RHBDF1: variants seen among roughly 807,000 people sequenced by gnomAD.
RHBDF1 encodes rhomboid 5 homolog 1, also known as inactive rhomboid protein 1.
Under a neutral mutation model 98.6 loss-of-function variants are expected in RHBDF1, and 80 were observed. That is an observed-to-expected ratio of 0.81 (90% CI 0.68 to 0.98). The LOEUF (loss-of-function observed/expected upper bound fraction) is 0.98. RHBDF1 is among the 50% of genes least tolerant of loss of function. The pLI is 0.00. For synonymous variants in RHBDF1, 512 were observed against 486.8 expected, an observed-to-expected ratio of 1.05 and a Z score of -0.68; for missense variants, 1,116 against 1,198.3, an observed-to-expected ratio of 0.93 and a Z score of 1.01.
At chr16:62,174 C>T in intron 7 of RHBDF1, 122 bp from the exon 8 acceptor site, 3 of 1,325,680 alleles carry the variant, frequency 2.3e-6, no homozygotes, top group Non-Finnish European at 3.0e-6. Context: ...CGCCCGGCAT[C>T]TGCCTTCTCC....
chr16:58,357 C>G lies in RHBDF1; in HGVS notation c.2551G>C (p.Asp851His), dbSNP rs369611150. The change falls in exon 18 of 18, where the codon GAC becomes CAC. Residue 851 changes from aspartate (D) to histidine (H), a missense_variant. Coordinates refer to ENST00000262316, the MANE Select transcript of RHBDF1 (RefSeq NM_022450.5). The stretch of plus-strand genomic sequence containing the variant: ...CAGCCAGCTCAGTGGAGCTGAGCGT[C>G]CAGTTCGTACTTCTCACAGAACTTG... ...TDKFCEKYEL[D>H]AQLH 6.2e-7 allele frequency: 1 copy of G among 1,611,986 alleles called. No homozygotes were observed. The highest frequency in any genetic ancestry group is 1.3e-5 in the African/African-American group (1 of 74,906).
intron 1 of RHBDF1, among the ~76,000 whole-genome samples, chr16:70,011 A>AGGG (rs11306273): frequency 0.017 from 1,370 of 78,962 alleles, 23 homozygotes; most frequent in African/African-American, 0.038. Flanking sequence ...ACTTGGCAGG[A>AGGG]GGGGGGGGGG....
At chr16:65,930 G>A (rs911399419) in intron 1 of RHBDF1, among the ~76,000 whole-genome samples, 1 of 152,240 alleles carries the variant, frequency 6.6e-6, no homozygotes, top group Non-Finnish European at 1.5e-5. Context: ...GCTCTACCAT[G>A]ACATGCCAGG....
chr16:58,950 C>A, intron 17 of RHBDF1, 24 bp downstream of exon 17: 2 of 1,610,940 alleles, frequency 1.2e-6, no homozygotes, highest in South Asian at 1.1e-5. Flanking sequence ...ACGGGAGGAT[C>A]CCCACCCTGA....
Position 63,853 on chromosome 16 carries a change from G to A in RHBDF1, c.249-53C>T, listed in dbSNP as rs576864269. The A allele has an allele frequency of 4.6e-6, 7 of 1,523,278 alleles. No homozygotes were observed. The South Asian group carries it at 4.6e-5, about 10-fold the overall frequency. The allele number at this position is 1,523,278 out of a possible 1,614,324, so 94.4% of individuals were successfully genotyped here. A position where few individuals can be genotyped will look rare whatever the true frequency, so the allele number is the denominator to read the frequency against. On this transcript the variant is annotated intron_variant, in intron 3 of 17. Coordinates refer to ENST00000262316, the MANE Select transcript of RHBDF1 (RefSeq NM_022450.5). ...CGGCCAGATCGCCCCTCCCAGGCAG[G>A]GGACTTCAAAGGCCCTCCTCCGGGG...
intron 1 of RHBDF1, among the ~76,000 whole-genome samples, chr16:69,237 G>A (rs1041259988): frequency 1.3e-5 from 2 of 152,196 alleles, no homozygotes; most frequent in Non-Finnish European, 1.5e-5. Flanking sequence ...GCCACAGCCA[G>A]TGGAGAGCTG....
At chr16:63,384 G>A (rs1215420202) in intron 4 of RHBDF1, among the ~76,000 whole-genome samples, 3 of 152,142 alleles carry the variant, frequency 2.0e-5, no homozygotes, top group Admixed American at 6.5e-5. Flanking sequence ...TGGCCCCCTG[G>A]TGCAATCCCA....
At chr16:72,864 T>C (rs1476144824), upstream of RHBDF1, among the ~76,000 whole-genome samples, 6 of 152,152 alleles carry the variant, frequency 3.9e-5, no homozygotes, top group Admixed American at 2.0e-4. Flanking sequence ...GTGTCAGCGC[T>C]GGGCGGCTCC....
At chr16:63,316 C>A in intron 4 of RHBDF1, 134 bp from the exon 5 acceptor site, 1 of 754,766 alleles carries the variant, frequency 1.3e-6, no homozygotes. Context: ...TCTATGGCCA[C>A]CACTCCCACC....
upstream of RHBDF1, chr16:72,714 C>T (rs545343331): frequency 2.1e-4 from 202 of 984,122 alleles, 1 homozygote; most frequent in South Asian, 8.2e-3. Flanking sequence ...GAATGCGCGC[C>T]GCCCGCCTGC....
At chr16:60,659 C>T in intron 11 of RHBDF1, 120 bp from the exon 12 acceptor site, 1 of 676,382 alleles carries the variant, frequency 1.5e-6, no homozygotes, top group Non-Finnish European at 2.6e-6. Context: ...AAGTCACCCC[C>T]ACTCTTGAGA....
intron 1 of RHBDF1, among the ~76,000 whole-genome samples, chr16:68,054 G>A (rs913426591): frequency 6.6e-6 from 1 of 152,116 alleles, no homozygotes; most frequent in African/African-American, 2.4e-5. Flanking sequence ...AACCTCCCCA[G>A]GACTGTCTCA....
At chr16:62,380 T>G (rs1026514222) in intron 7 of RHBDF1, among the ~76,000 whole-genome samples, 158 bp downstream of exon 7, 4 of 152,184 alleles carry the variant, frequency 2.6e-5, no homozygotes, top group African/African-American at 9.7e-5. Flanking sequence ...TGCCCAGCTC[T>G]GCGTCTCCCA....
chr16:74,286 A>C (rs1484412226), upstream of RHBDF1, among the ~76,000 whole-genome samples: 1 of 152,210 alleles, frequency 6.6e-6, no homozygotes. Context: ...TGCCCAGACT[A>C]GGCTGGCAGG....
rs1336249331 is a variant in RHBDF1 at position 59,296 on chromosome 16, C to T, written c.1947G>A (p.Val649=). Residue 649 remains valine (V), a synonymous_variant, in exon 16 of 18, where the codon GTG becomes GTA. Transcript: ENST00000262316. ...CGLLPFLNPE[V]PDQFYRLWLS... ...GCCACAGGCGGTAGAACTGGTCAGG[C>T]ACCTCGGGGTTGAGAAAAGGCAGGA... The T allele has an allele frequency of 3.7e-6, 6 of 1,611,380 alleles. No homozygotes were observed. Among genetic ancestry groups the T allele is most frequent in the Admixed American group, 1.7e-5 (1 of 59,854 alleles).
chr16:60,034 C>T, intron 13 of RHBDF1, 182 bp downstream of exon 13: 1 of 1,476,404 alleles, frequency 6.8e-7, no homozygotes, highest in Non-Finnish European at 9.0e-7. Context: ...TTCTCTTGAT[C>T]TACTTGCTCA....
chr16:63,837 C>A (rs1271756464), intron 3 of RHBDF1, 37 bp from the exon 4 acceptor site: 7 of 1,582,526 alleles, frequency 4.4e-6, no homozygotes, highest in Non-Finnish European at 5.2e-6. Context: ...GCGGCCAGAT[C>A]GCCCCTCCCA....
upstream of RHBDF1, among the ~76,000 whole-genome samples, chr16:74,426 C>T (rs527703900): frequency 8.6e-4 from 131 of 152,320 alleles, no homozygotes; most frequent in African/African-American, 3.0e-3. Context: ...AGACCCGCTC[C>T]AAGACCCAGA....
chr16:70,588 G>A (rs528064113), intron 1 of RHBDF1, among the ~76,000 whole-genome samples: 7 of 152,334 alleles, frequency 4.6e-5, no homozygotes, highest in African/African-American at 1.2e-4. Context: ...ACCAGATCCT[G>A]ACTGATCACA....
Sources: allele counts gnomAD v4.1 joint callset (sites outside exome capture counted in the v4.1 genomes callset), GRCh38; gene constraint gnomAD v4.1.1; transcripts MANE v1.5; gene names NCBI Gene and HGNC (gene_info 2026-07-23, HGNC 2026-07-21).